The following BBX variants were observed in gnomAD, a reference collection of about 807,000 sequenced individuals.
BBX encodes the protein BBX high mobility group box domain containing.
BBX carries 30 observed loss-of-function variants against 100.2 expected under a neutral mutation model. That is an observed-to-expected ratio of 0.30 (90% confidence interval 0.22 to 0.41). BBX has a LOEUF of 0.41. Ranked by LOEUF, BBX falls within the 10% of genes least tolerant of loss-of-function variation. The probability of loss-of-function intolerance (pLI) is 1.00; values close to 1 mark genes in which losing one functional copy is unlikely to be tolerated. For synonymous variants in BBX, 376 were observed against 388.1 expected, an observed-to-expected ratio of 0.97 and a Z score of 0.37; for missense variants, 1,023 against 1,129.8, an observed-to-expected ratio of 0.91 and a Z score of 1.35.
rs560238525 is a variant in BBX at position 107,585,908 on chromosome 3, T to C, written c.-84+59510T>C. Among the ~76,000 whole-genome samples the C allele has an allele frequency of 1.2e-4, 19 of 152,328 alleles. No individual in the cohort carries two copies. The South Asian group carries it at 3.7e-3, about 30-fold the overall frequency. On this transcript the variant is annotated intron_variant, in intron 2 of 17. Coordinates refer to ENST00000325805, the MANE Select transcript of BBX (RefSeq NM_001142568.3). The stretch of plus-strand genomic sequence containing the variant: ...GTCAGTGACCCATTAACTAAGAGGT[T>C]TCACAAACTTCAGTTTTCACTTGGC...
At chr3:107,572,859 A>G (rs1264774354) in intron 2 of BBX, among the ~76,000 whole-genome samples, 1 of 152,210 alleles carries the variant, frequency 6.6e-6, no homozygotes, top group Non-Finnish European at 1.5e-5. Context: ...TGTCTTCAAA[A>G]GAAGTCTGTG....
rs151035965 is a variant in BBX, at chr3:107,716,428, A to G, written c.163-179A>G. On this transcript the variant is annotated intron_variant, in intron 4 of 17. Transcript: ENST00000325805. ...TAGAAACTAAGCAGAAGGATACATC[A>G]TAAGTTAGTTACCAACCATGAACAG... The G allele has an allele frequency of 4.3e-6, 3 of 692,312 alleles. No individual in the cohort carries two copies. The South Asian group carries it at 6.0e-5, about 14-fold the overall frequency. 42.9% of individuals were successfully genotyped at this position (692,312 alleles called of 1,614,324 possible).
At chr3:107,527,836 A>T (rs1377646669) in intron 2 of BBX, among the ~76,000 whole-genome samples, 1 of 152,202 alleles carries the variant, frequency 6.6e-6, no homozygotes. Context: ...GCTTGTTTGA[A>T]AAGTTTCATT....
intron 17 of BBX, among the ~76,000 whole-genome samples, chr3:107,804,963 A>G (rs1261729353): frequency 6.6e-6 from 1 of 152,170 alleles, no homozygotes; most frequent in Non-Finnish European, 1.5e-5. Flanking sequence ...TTTTAATACC[A>G]ATGGATCAAC....
At chr3:107,527,809 CTT>C (rs2047886418) in intron 2 of BBX, among the ~76,000 whole-genome samples, 1 of 152,088 alleles carries the variant, frequency 6.6e-6, no homozygotes, top group African/African-American at 2.4e-5. Flanking sequence ...ATTTCATTGT[CTT>C]TGAGTTTTTT....
chr3:107,590,798 A>C (rs565966786), intron 2 of BBX, among the ~76,000 whole-genome samples: 1 of 152,234 alleles, frequency 6.6e-6, no homozygotes, highest in South Asian at 2.1e-4. Flanking sequence ...TTTACTTGAT[A>C]TTTACTCCAT....
intron 3 of BBX, among the ~76,000 whole-genome samples, chr3:107,653,736 G>A (rs531294631): frequency 7.2e-5 from 11 of 152,150 alleles, no homozygotes; most frequent in South Asian, 6.2e-4. Context: ...TTAGAGTATC[G>A]AACATTACCA....
At chr3:107,605,037 T>A (rs570371130) in intron 2 of BBX, among the ~76,000 whole-genome samples, 1 of 152,370 alleles carries the variant, frequency 6.6e-6, no homozygotes, top group African/African-American at 2.4e-5. Context: ...TTTTAATGTT[T>A]GTATTCAGTA....
intron 2 of BBX, among the ~76,000 whole-genome samples, chr3:107,624,686 T>A (rs1051977740): frequency 6.6e-6 from 1 of 152,018 alleles, no homozygotes; most frequent in Admixed American, 6.5e-5. Flanking sequence ...CTGGTCAACA[T>A]GATGAAACAC....
chr3:107,782,757 C>G (rs2068025011), intron 13 of BBX, among the ~76,000 whole-genome samples: 1 of 152,224 alleles, frequency 6.6e-6, no homozygotes, highest in Admixed American at 6.6e-5. Flanking sequence ...GAGATTGATA[C>G]CTTCAGAATA....
At position 107,762,936 on chromosome 3, in the gene BBX, G is replaced by A. The variant is rs576027219; in HGVS notation, c.906+7258G>A. 9.2e-5 allele frequency among the ~76,000 whole-genome samples: 14 copies of A among 152,222 alleles called. No individual in the cohort carries two copies. In the South Asian group the frequency reaches 1.0e-3, roughly 11 times the overall value. ...AGCAGAAAATTTCACACCTGACACC[G>A]TCGCTTTTTGATAGTTCAGTGTACA... On this transcript the variant is annotated intron_variant, in intron 10 of 17. Coordinates refer to ENST00000325805, the MANE Select transcript of BBX (RefSeq NM_001142568.3).
intron 10 of BBX, among the ~76,000 whole-genome samples, chr3:107,755,953 C>T (rs1296207957): frequency 6.6e-6 from 1 of 152,070 alleles, no homozygotes; most frequent in Non-Finnish European, 1.5e-5. Flanking sequence ...TATGTAAGTC[C>T]AGCCTGAACA....
At chr3:107,688,329 A>G (rs2059964439) in intron 3 of BBX, among the ~76,000 whole-genome samples, 1 of 152,216 alleles carries the variant, frequency 6.6e-6, no homozygotes, top group South Asian at 2.1e-4. Context: ...ATAACTGAAC[A>G]GTTCTTTTCA....
rs1368998006 is a variant in BBX, at chr3:107,694,161, C to T, written c.-9-16291C>T. 6.2e-5 allele frequency among the ~76,000 whole-genome samples: 7 copies of T among 112,468 alleles called. No individual in the cohort carries two copies. The East Asian group carries it at 1.5e-3, about 24-fold the overall frequency. 73.8% of individuals were successfully genotyped at this position (112,468 alleles called of 152,430 possible). A position where few individuals can be genotyped will look rare whatever the true frequency, so the allele number is the denominator to read the frequency against. The stretch of plus-strand genomic sequence containing the variant: ...GCAAACAGGGACAATTTGACTTCCT[C>T]TTTTCCTAATTGAATACCCTTTATT... On this transcript the variant is annotated intron_variant, in intron 3 of 17. Coordinates refer to ENST00000325805, the MANE Select transcript of BBX (RefSeq NM_001142568.3).
Position 107,559,932 on chromosome 3 carries a change from C to T in BBX, c.-84+33534C>T, listed in dbSNP as rs536873390. 2.6e-5 allele frequency among the ~76,000 whole-genome samples: 4 copies of T among 152,028 alleles called. No individual in the cohort carries two copies. In the East Asian group the frequency reaches 5.8e-4, roughly 22 times the overall value. On this transcript the variant is annotated intron_variant, in intron 2 of 17. Coordinates refer to ENST00000325805, the MANE Select transcript of BBX (RefSeq NM_001142568.3). ...CTTATGTTTGTATTTTTTGTAGAGA[C>T]GAGGTTTTGCCATGTTTCCCAGGCT... is the stretch of plus-strand genomic sequence containing the variant.
At chr3:107,626,713 A>G (rs1207322317) in intron 2 of BBX, among the ~76,000 whole-genome samples, 4 of 147,192 alleles carry the variant, frequency 2.7e-5, no homozygotes, top group African/African-American at 1.0e-4. Context: ...GTAGTGCAGT[A>G]GCATGTTCTC....
rs61081300 is a variant in BBX at position 107,638,780 on chromosome 3, T to TACACACACAC, written c.-83-7012_-83-7003dup. 2.1e-3 allele frequency among the ~76,000 whole-genome samples: 205 copies of TACACACACAC among 99,864 alleles called. 2 individuals carry two copies. The highest frequency in any genetic ancestry group is 3.0e-3 in the Non-Finnish European group (154 of 51,010). The allele number at this position is 99,864 out of a possible 152,430, so 65.5% of individuals were successfully genotyped here. A position where few individuals can be genotyped will look rare whatever the true frequency, so the allele number is the denominator to read the frequency against. ...TACCAAAAAAAAAAAAAAAAAAGTA[T>TACACACACAC]ACACACACACACACACACACACACA... On this transcript the variant is annotated intron_variant, in intron 2 of 17. Coordinates refer to ENST00000325805, the MANE Select transcript of BBX (RefSeq NM_001142568.3).
intron 5 of BBX, among the ~76,000 whole-genome samples, chr3:107,719,853 C>G (rs890008392): frequency 2.6e-5 from 4 of 151,982 alleles, no homozygotes; most frequent in African/African-American, 9.7e-5. Flanking sequence ...TTTTTGCCTG[C>G]AATACTGCTG....
Position 107,648,168 on chromosome 3 carries a change from T to C in BBX, c.-10+2259T>C, listed in dbSNP as rs374654379. Among the ~76,000 whole-genome samples the C allele has an allele frequency of 4.3e-4, 65 of 152,318 alleles. 1 individual carries two copies. In the South Asian group the frequency reaches 0.013, roughly 31 times the overall value. ...TCCAGGAAGTTCTTCGGTAAATTAA[T>C]CTGTTTAACATGTCAAATTGTTTGA... On this transcript the variant is annotated intron_variant, in intron 3 of 17. Transcript: ENST00000325805.
Sources: gnomAD v4.1 joint callset for allele counts (sites outside exome capture counted in the v4.1 genomes callset) on GRCh38, gnomAD v4.1.1 for gene constraint, MANE v1.5 for transcripts, NCBI Gene and HGNC (gene_info 2026-07-23, HGNC 2026-07-21) for gene names.